SMARCA2: variants seen among roughly 807,000 people sequenced by gnomAD.
The protein encoded by SMARCA2 is SWI/SNF related BAF chromatin remodeling complex subunit ATPase 2.
A neutral mutation model predicts 199.8 loss-of-function variants in SMARCA2; 61 were observed. The observed-to-expected ratio is 0.31, with a 90% CI of 0.25 to 0.38. The LOEUF (loss-of-function observed/expected upper bound fraction) is 0.38. SMARCA2 is among the 10% of genes least tolerant of loss of function. The pLI is 1.00. For synonymous variants in SMARCA2, 935 were observed against 732.0 expected, an observed-to-expected ratio of 1.28 and a Z score of -4.48; for missense variants, 1,344 against 2,012.2, an observed-to-expected ratio of 0.67 and a Z score of 6.35.
chr9:2,046,665 C>A (rs866719233), intron 4 of SMARCA2, among the ~76,000 whole-genome samples: 8 of 152,034 alleles, frequency 5.3e-5, no homozygotes, highest in African/African-American at 1.9e-4. Flanking sequence ...TTCCAGATTG[C>A]GATAGAGGTC....
At chr9:2,058,881 G>C (rs3793485) in intron 8 of SMARCA2, among the ~76,000 whole-genome samples, 16,945 of 152,144 alleles carry the variant, frequency 0.11, 1,023 homozygotes, top group East Asian at 0.24. Flanking sequence ...AATCTAAGAA[G>C]GTCTGTGTTT....
At chr9:2,182,860 G>A (rs183846520) in intron 31 of SMARCA2, among the ~76,000 whole-genome samples, 59 of 151,794 alleles carry the variant, frequency 3.9e-4, no homozygotes, top group African/African-American at 1.2e-3. Context: ...GCATGATCTC[G>A]GCTCACTGCA....
At chr9:2,136,205 T>A (rs1313619215) in intron 27 of SMARCA2, among the ~76,000 whole-genome samples, 6 of 142,952 alleles carry the variant, frequency 4.2e-5, no homozygotes, top group East Asian at 4.5e-4. Context: ...TTTTTTTTTT[T>A]AAGATACAGT....
intron 19 of SMARCA2, among the ~76,000 whole-genome samples, chr9:2,089,691 T>C (rs1441310224): frequency 6.6e-6 from 1 of 152,208 alleles, no homozygotes; most frequent in Non-Finnish European, 1.5e-5. Flanking sequence ...CGTAGAATGC[T>C]ATTGATATTC....
chr9:2,156,943 T>C (rs1361412309), intron 27 of SMARCA2, among the ~76,000 whole-genome samples: 1 of 152,194 alleles, frequency 6.6e-6, no homozygotes, highest in East Asian at 1.9e-4. Context: ...ATTTGCTTTT[T>C]TGCGTCTAGA....
At chr9:2,020,867 G>A (rs1818571362) in intron 1 of SMARCA2, among the ~76,000 whole-genome samples, 1 of 152,168 alleles carries the variant, frequency 6.6e-6, no homozygotes, top group African/African-American at 2.4e-5. Context: ...CACATTTGGA[G>A]TGATGGTTTA....
At chr9:2,042,450 G>A (rs970876696) in intron 4 of SMARCA2, 1 of 152,184 alleles carries the variant, frequency 6.6e-6, no homozygotes, top group Admixed American at 6.5e-5. Context: ...TAAAAGATTC[G>A]AAGATATCAG....
At chr9:2,015,608 C>T (rs906109125) in intron 1 of SMARCA2, among the ~76,000 whole-genome samples, 1 of 152,240 alleles carries the variant, frequency 6.6e-6, no homozygotes, top group Non-Finnish European at 1.5e-5. Flanking sequence ...CGCCTCCTCC[C>T]CGCGGGCCTC....
chr9:2,184,666 A>G (rs1171373434), intron 31 of SMARCA2, among the ~76,000 whole-genome samples: 2 of 152,054 alleles, frequency 1.3e-5, no homozygotes, highest in African/African-American at 4.8e-5. Context: ...ACAATATCTT[A>G]AGCAGAAAAT....
At chr9:2,037,963 A>G (rs1304303507) in intron 3 of SMARCA2, among the ~76,000 whole-genome samples, 2 of 152,180 alleles carry the variant, frequency 1.3e-5, no homozygotes, top group Non-Finnish European at 2.9e-5. Flanking sequence ...CTCCTGAAAT[A>G]AGTCCCTTGA....
Position 2,123,920 on chromosome 9 carries a change from G to C in SMARCA2, c.3964G>C (p.Glu1322Gln). 6.4e-7 allele frequency: 1 copy of C among 1,572,504 alleles called. No individual in the cohort carries two copies. The highest frequency in any genetic ancestry group is 8.6e-7 in the Non-Finnish European group (1 of 1,158,568). The change falls in exon 27 of 34, where the codon GAG (glutamate) becomes CAG (glutamine). Residue 1322 changes from glutamate (E) to glutamine (Q), a missense_variant. Physicochemically the swap from Glu to Gln is conservative, Grantham distance 29. Around this residue, in one of 18 missense-constraint regions of SMARCA2, gnomAD observed 4 missense variants for 25.6 expected, o/e 0.16. Transcript: ENST00000349721. The surrounding 1 kb of genome is among the most constrained non-coding windows in gnomAD (Gnocchi z 4.1). ...RDVDYSDALT[E>Q]KQWLRAIEDG... ...CGTGGACTACAGTGACGCCCTCACG[G>C]AGAAGCAGTGGCTAAGGGTAAGCCT...
intron 14 of SMARCA2, among the ~76,000 whole-genome samples, chr9:2,081,278 C>A (rs77374979): frequency 0.032 from 4,944 of 152,226 alleles, 124 homozygotes; most frequent in Non-Finnish European, 0.05. Flanking sequence ...CAGTGTGCAG[C>A]CTTTGGGTAG....
At chr9:2,085,870 T>C (rs1821781951) in intron 17 of SMARCA2, 1 of 152,186 alleles carries the variant, frequency 6.6e-6, no homozygotes, top group Non-Finnish European at 1.5e-5. Context: ...AGAGAATGGA[T>C]AGGCTTAGTG....
Position 2,191,225 on chromosome 9 carries a change from T to A in SMARCA2, c.4595-41T>A, listed in dbSNP as rs372392864. 69 of 1,601,080 alleles carry A rather than the reference T, an allele frequency of 4.3e-5. No individual in the cohort carries two copies. In the African/African-American group the frequency reaches 8.3e-4, roughly 19 times the overall value. On this transcript the variant is annotated intron_variant, in intron 32 of 33. Coordinates refer to ENST00000349721, the MANE Select transcript of SMARCA2 (RefSeq NM_003070.5). ...TACCACCTATACAAAGATCTCCTTG[T>A]GATTACTCACTGGTGTCTATTTCAT...
Position 2,084,166 on chromosome 9 carries a change from T to C in SMARCA2, c.2496T>C (p.Tyr832=). Residue 832 remains tyrosine (Y), a synonymous_variant, in exon 17 of 34, where the codon TAT becomes TAC. Coordinates refer to ENST00000349721, the MANE Select transcript of SMARCA2 (RefSeq NM_003070.5). Reference sequence around the variant, plus strand: ...ATGTCCTCTTGACTACTTATGAGTATATTATAAAAGACAAGCACATTCTTG... The same window carrying C: ...ATGTCCTCTTGACTACTTATGAGTACATTATAAAAGACAAGCACATTCTTG... ...KFNVLLTTYE[Y]IIKDKHILAK... 1 of 1,604,816 alleles carries C rather than the reference T, an allele frequency of 6.2e-7. No individual in the cohort carries two copies. Among genetic ancestry groups the C allele is most frequent in the Non-Finnish European group, 8.5e-7 (1 of 1,171,828 alleles).
rs1563724939 is a variant in SMARCA2 at position 2,039,809 on chromosome 9, G to A, written c.699G>A (p.Gln233=). 2 of 1,605,830 alleles carry A rather than the reference G, an allele frequency of 1.2e-6. No individual in the cohort carries two copies. The highest frequency in any genetic ancestry group is 1.7e-5 in the Admixed American group (1 of 59,322). ...AGCAGCAGCAGCAGCAGCAGCAGCA[G>A]CAGCAGCAACAGCAGCCGCAGCAGC... ...QQQQQQQQQQ[Q]QQQQQPQQQP... The change falls in exon 4 of 34, where the codon CAG becomes CAA. Residue 233 remains glutamine (Q), a synonymous_variant. Transcript: ENST00000349721. The surrounding 1 kb of genome is among the most constrained non-coding windows in gnomAD (Gnocchi z 4.8).
intron 27 of SMARCA2, among the ~76,000 whole-genome samples, chr9:2,136,202 T>C (rs1824188178): frequency 6.6e-6 from 1 of 151,568 alleles, no homozygotes; most frequent in Non-Finnish European, 1.5e-5. Flanking sequence ...TTTTTTTTTT[T>C]TTTAAGATAC....
At chr9:2,062,270 A>T (rs1432002158) in intron 9 of SMARCA2, among the ~76,000 whole-genome samples, 2 of 152,216 alleles carry the variant, frequency 1.3e-5, no homozygotes, top group Non-Finnish European at 2.9e-5. Context: ...AGAGAGAGAG[A>T]TGGAATTCTG....
Position 2,123,136 on chromosome 9 carries a change from T to C in SMARCA2, c.3763-583T>C, listed in dbSNP as rs1316051559. Among the ~76,000 whole-genome samples, 4 of 152,218 alleles carry C rather than the reference T, an allele frequency of 2.6e-5. No homozygotes were observed. The highest frequency in any genetic ancestry group is 4.4e-5 in the Non-Finnish European group (3 of 68,040). ...TTCCTCAGACAGTGCCCATGAGGTA[T>C]TGAAAAGTTAGTATATTCATGGCCA... On this transcript the variant is annotated intron_variant, in intron 26 of 33. Transcript: ENST00000349721. This position sits in a 1 kb window ranked among gnomAD's most constrained non-coding sequence, Gnocchi z 4.1.
Sources: allele counts gnomAD v4.1 joint callset (sites outside exome capture counted in the v4.1 genomes callset), GRCh38; gene constraint gnomAD v4.1.1; regional missense constraint gnomAD v4.1.1; non-coding constraint Gnocchi (gnomAD v3.1); transcripts MANE v1.5; gene names NCBI Gene and HGNC (gene_info 2026-07-23, HGNC 2026-07-21).